Variants in FHIT observed in about 807,000 individuals in gnomAD.
FHIT encodes bis(5'-adenosyl)-triphosphatase.
A neutral mutation model predicts 17.9 loss-of-function variants in FHIT; 19 were observed. The observed-to-expected ratio is 1.06, with a 90% CI of 0.74 to 1.56. The LOEUF (loss-of-function observed/expected upper bound fraction) is 1.56, where lower values mean the gene tolerates loss of function less well. Ranked by LOEUF, FHIT falls within the 40% of genes most tolerant of loss-of-function variation. The pLI is 0.00. For synonymous variants in FHIT, 81 were observed against 69.7 expected, an observed-to-expected ratio of 1.16 and a Z score of -0.81; for missense variants, 248 against 189.2, an observed-to-expected ratio of 1.31 and a Z score of -1.82.
chr3:60,144,915 T>C (rs1409377869), intron 5 of FHIT, among the ~76,000 whole-genome samples: 1 of 152,174 alleles, frequency 6.6e-6, no homozygotes, highest in Non-Finnish European at 1.5e-5. Context: ...TCTGTGAAAA[T>C]ATTATGCCAA....
intron 3 of FHIT, among the ~76,000 whole-genome samples, chr3:60,849,360 G>C (rs1363203671): frequency 4.0e-5 from 6 of 150,574 alleles, no homozygotes; most frequent in Non-Finnish European, 7.4e-5. Context: ...GGAACAGACT[G>C]AACAATGAGA....
At chr3:60,382,099 A>G (rs1214040375) in intron 5 of FHIT, among the ~76,000 whole-genome samples, 3 of 152,216 alleles carry the variant, frequency 2.0e-5, no homozygotes, top group East Asian at 3.8e-4. Flanking sequence ...AACATTTTCT[A>G]ACTTACCACC....
At position 60,464,689 on chromosome 3, in the gene FHIT, A is replaced by G. The variant is rs550792506; in HGVS notation, c.103+72171T>C. ...CATCCAGGTTGTTGCAAATGACAAG[A>G]TATCATTCTTTTTTATAGCTGAATA... On this transcript the variant is annotated intron_variant, in intron 5 of 9. Transcript: ENST00000492590. 2.5e-3 allele frequency among the ~76,000 whole-genome samples: 377 copies of G among 152,244 alleles called. 3 individuals are homozygous for G. The highest frequency in any genetic ancestry group is 8.1e-3 in the African/African-American group (338 of 41,562).
chr3:61,206,439 C>A (rs550922885), intron 1 of FHIT, among the ~76,000 whole-genome samples: 1 of 151,652 alleles, frequency 6.6e-6, no homozygotes, highest in African/African-American at 2.4e-5. Flanking sequence ...ATTGATTCTT[C>A]CTACCCATGG....
At chr3:60,759,512 A>G (rs1699560829) in intron 4 of FHIT, among the ~76,000 whole-genome samples, 1 of 152,180 alleles carries the variant, frequency 6.6e-6, no homozygotes, top group Non-Finnish European at 1.5e-5. Flanking sequence ...GAGCATTAAG[A>G]GACAAGTTTT....
At chr3:60,793,282 T>C (rs968930970) in intron 4 of FHIT, among the ~76,000 whole-genome samples, 3 of 151,190 alleles carry the variant, frequency 2.0e-5, no homozygotes, top group Admixed American at 1.3e-4. Context: ...GAGAAGACCA[T>C]GAACAAGTGA....
chr3:61,132,920 A>G (rs2036807052), intron 2 of FHIT, among the ~76,000 whole-genome samples: 1 of 152,234 alleles, frequency 6.6e-6, no homozygotes, highest in Non-Finnish European at 1.5e-5. Context: ...ACTAATGGAT[A>G]GAAATGGGGT....
chr3:60,235,334 G>T (rs1329165568), intron 5 of FHIT, among the ~76,000 whole-genome samples: 1 of 150,360 alleles, frequency 6.7e-6, no homozygotes, highest in Non-Finnish European at 1.5e-5. Context: ...GGGTTCAAAT[G>T]ATTCTTCTGC....
chr3:61,110,598 G>T (rs1192578643), intron 2 of FHIT, among the ~76,000 whole-genome samples: 1 of 151,944 alleles, frequency 6.6e-6, no homozygotes, highest in Non-Finnish European at 1.5e-5. Flanking sequence ...TTGCATAGGG[G>T]CATGGTCTGT....
intron 3 of FHIT, among the ~76,000 whole-genome samples, chr3:60,896,388 T>C (rs576169834): frequency 1.3e-5 from 2 of 152,212 alleles, no homozygotes; most frequent in East Asian, 1.9e-4. Flanking sequence ...TATTGAGTCA[T>C]GTCTTCCTAT....
intron 5 of FHIT, among the ~76,000 whole-genome samples, chr3:60,328,653 T>C (rs949666664): frequency 6.6e-6 from 1 of 152,148 alleles, no homozygotes; most frequent in South Asian, 2.1e-4. Flanking sequence ...ATATCAATCA[T>C]CCTACTGAGT....
At chr3:60,179,833 G>A (rs1449830255) in intron 5 of FHIT, among the ~76,000 whole-genome samples, 1 of 152,074 alleles carries the variant, frequency 6.6e-6, no homozygotes, top group African/African-American at 2.4e-5. Flanking sequence ...CTCTAAACGG[G>A]TTCTCTTCGT....
chr3:61,111,218 G>T (rs992939458), intron 2 of FHIT, among the ~76,000 whole-genome samples: 9 of 152,144 alleles, frequency 5.9e-5, no homozygotes, highest in Admixed American at 2.0e-4. Flanking sequence ...TCTGTAAAAT[G>T]AATGGCTACA....
rs144643424 is a variant in FHIT, at chr3:61,020,694, C to A, written c.-111+21353G>T. On this transcript the variant is annotated intron_variant, in intron 3 of 9. Coordinates refer to ENST00000492590, the MANE Select transcript of FHIT (RefSeq NM_002012.4). ...AATATTAACCTTAAATGTAAACAGG[C>A]TAAATGCCCCAATTGAAAGATGCAG... Among the ~76,000 whole-genome samples the A allele has an allele frequency of 3.1e-3, 468 of 152,204 alleles. 2 individuals are homozygous for A. Among genetic ancestry groups the A allele is most frequent in the African/African-American group, 0.01 (425 of 41,506 alleles).
At chr3:60,832,535 C>A (rs1559756949) in intron 3 of FHIT, among the ~76,000 whole-genome samples, 1 of 152,124 alleles carries the variant, frequency 6.6e-6, no homozygotes. Context: ...TGTCATTCCG[C>A]AGATTGTGCC....
intron 5 of FHIT, among the ~76,000 whole-genome samples, chr3:60,262,942 A>T (rs1278490468): frequency 6.6e-6 from 1 of 151,984 alleles, no homozygotes; most frequent in Non-Finnish European, 1.5e-5. Flanking sequence ...CAAGTCACAG[A>T]CTAGAAGAAC....
intron 1 of FHIT, among the ~76,000 whole-genome samples, chr3:61,206,611 T>C (rs1379056476): frequency 6.6e-6 from 1 of 152,230 alleles, no homozygotes; most frequent in African/African-American, 2.4e-5. Flanking sequence ...ATGATTTCAC[T>C]CTCTGTTTGT....
rs1560005812 is a variant in FHIT at position 61,129,628 on chromosome 3, AAAGC to A, written c.-164+70985_-164+70988del. ...GAACACCTGAACAAAATACAAATTCAAAGCAAGATCTTCGAAGCTTAGAGAAACT... is the reference window on the plus strand; with the variant it reads ...GAACACCTGAACAAAATACAAATTCAAAGATCTTCGAAGCTTAGAGAAACT... On this transcript the variant is annotated intron_variant, in intron 2 of 9. Transcript: ENST00000492590. Among the ~76,000 whole-genome samples the A allele has an allele frequency of 2.0e-5, 3 of 152,312 alleles. No homozygotes were observed. In the East Asian group the frequency reaches 5.8e-4, roughly 29 times the overall value.
At chr3:60,628,949 TCAGC>T in intron 4 of FHIT, among the ~76,000 whole-genome samples, 1 of 12,454 alleles carries the variant, frequency 8.0e-5, no homozygotes, top group Non-Finnish European at 2.3e-4. Flanking sequence ...CTTGCCTCTC[TCAGC>T]TTGCCTCTCT....
Sources: allele counts gnomAD v4.1 joint callset (sites outside exome capture counted in the v4.1 genomes callset), GRCh38; gene constraint gnomAD v4.1.1; transcripts MANE v1.5; gene names NCBI Gene and HGNC (gene_info 2026-07-23, HGNC 2026-07-21).